TIAM2: variants seen among roughly 807,000 people sequenced by gnomAD.
TIAM2 encodes the protein rho guanine nucleotide exchange factor TIAM2.
TIAM2 carries 80 observed loss-of-function variants against 152.9 expected under a neutral mutation model. That is an observed-to-expected ratio of 0.52 (90% CI 0.44 to 0.63). The LOEUF (loss-of-function observed/expected upper bound fraction) is 0.63, where lower values mean the gene tolerates loss of function less well. Ranked by LOEUF, TIAM2 falls within the 30% of genes least tolerant of loss-of-function variation. The pLI, the probability that TIAM2 is intolerant of heterozygous loss-of-function variation, is 0.00. For synonymous variants in TIAM2, 804 were observed against 838.0 expected (o/e 0.96, Z 0.70); for missense variants, 1,965 against 2,120.1 (o/e 0.93, Z 1.44).
intron 1 of TIAM2, among the ~76,000 whole-genome samples, chr6:155,031,032 T>C (rs1163717126): frequency 6.6e-6 from 1 of 152,234 alleles, no homozygotes; most frequent in African/African-American, 2.4e-5. Context: ...ACTGCTGTTC[T>C]CTTTGTTGTG....
At chr6:155,166,041 T>G (rs1254007746) in intron 9 of TIAM2, among the ~76,000 whole-genome samples, 1 of 152,208 alleles carries the variant, frequency 6.6e-6, no homozygotes, top group East Asian at 1.9e-4. Flanking sequence ...AAATTAATAA[T>G]CAGAGGAGTG....
chr6:155,243,644 C>T (rs931442871), intron 16 of TIAM2, among the ~76,000 whole-genome samples: 4 of 151,836 alleles, frequency 2.6e-5, no homozygotes. Flanking sequence ...GTCAGGAGTT[C>T]GAGACCAGCC....
intron 1 of TIAM2, among the ~76,000 whole-genome samples, chr6:155,033,084 T>G (rs191757363): frequency 4.0e-4 from 61 of 152,316 alleles, no homozygotes; most frequent in African/African-American, 1.4e-3. Context: ...GTCTAGATTT[T>G]CCTTGTTCCC....
chr6:155,133,800 T>C (rs1218339734), intron 4 of TIAM2, among the ~76,000 whole-genome samples: 1 of 151,970 alleles, frequency 6.6e-6, no homozygotes, highest in East Asian at 1.9e-4. Context: ...AGTGGCGCCA[T>C]GTCGGCTCAC....
rs897051301 is a variant in TIAM2, at chr6:155,106,918, A to G, written c.-118+16539A>G. Among the ~76,000 whole-genome samples, 7 of 152,354 alleles carry G rather than the reference A, an allele frequency of 4.6e-5. No homozygotes were observed. The East Asian group carries it at 1.2e-3, about 25-fold the overall frequency. On this transcript the variant is annotated intron_variant, in intron 2 of 26. Transcript: ENST00000682666. ...AAGTCTGCATCATACTGTTCCACCA[A>G]TGGAAAAAATTGAACATGATGAGGG...
chr6:155,223,426 G>A (rs1332915201), intron 15 of TIAM2, among the ~76,000 whole-genome samples: 7 of 151,248 alleles, frequency 4.6e-5, no homozygotes. Context: ...GTTGAGGAAC[G>A]TTAAATAAAT....
chr6:155,125,297 C>T (rs747333832), intron 2 of TIAM2, among the ~76,000 whole-genome samples: 9 of 151,758 alleles, frequency 5.9e-5, no homozygotes, highest in Non-Finnish European at 1.2e-4. Context: ...GCCATTGAAC[C>T]CTCCTAAGAA....
At chr6:155,216,163 T>C (rs1482509206) in intron 15 of TIAM2, among the ~76,000 whole-genome samples, 1 of 152,160 alleles carries the variant, frequency 6.6e-6, no homozygotes, top group Non-Finnish European at 1.5e-5. Context: ...GCCTAGTGTG[T>C]GCTGGGAGTG....
At chr6:155,178,595 T>A (rs910585676) in intron 10 of TIAM2, among the ~76,000 whole-genome samples, 1 of 152,088 alleles carries the variant, frequency 6.6e-6, no homozygotes, top group South Asian at 2.1e-4. Flanking sequence ...TTTATTTGAG[T>A]TGGAGTCTTG....
chr6:155,099,000 C>CT lies in TIAM2; in HGVS notation c.-118+8621_-118+8622insT, dbSNP rs1330359721. Among the ~76,000 whole-genome samples the CT allele has an allele frequency of 1.4e-4, 22 of 152,218 alleles. No individual in the cohort carries two copies. The East Asian group carries it at 4.2e-3, about 29-fold the overall frequency. On this transcript the variant is annotated intron_variant, in intron 2 of 26. Transcript: ENST00000682666. ...GTCAGGAGTTTGAGACCAGCCTGAC[C>CT]AACACGGAGAAACTCCATCTTTACT...
At chr6:155,089,918 TCATCCATC>T (rs1182674817) in intron 1 of TIAM2, among the ~76,000 whole-genome samples, 1 of 152,046 alleles carries the variant, frequency 6.6e-6, no homozygotes, top group Admixed American at 6.6e-5. Flanking sequence ...TGTCTGTCAA[TCATCCATC>T]CATCCATCTG....
chr6:155,138,758 C>A, intron 5 of TIAM2, among the ~76,000 whole-genome samples: 1 of 152,110 alleles, frequency 6.6e-6, no homozygotes, highest in Non-Finnish European at 1.5e-5. Context: ...CTGCAAAGGA[C>A]AGGAACTCAT....
intron 2 of TIAM2, among the ~76,000 whole-genome samples, chr6:155,099,257 TGTGTAATAA>T (rs1198078023): frequency 3.7e-4 from 50 of 136,866 alleles, no homozygotes; most frequent in African/African-American, 1.3e-3. Context: ...TGTGTGTGTG[TGTGTAATAA>T]AATATCTCAT....
chr6:155,082,080 A>T (rs1311387599), intron 1 of TIAM2, among the ~76,000 whole-genome samples: 1 of 152,186 alleles, frequency 6.6e-6, no homozygotes, highest in Non-Finnish European at 1.5e-5. Context: ...GCAGTCGCTT[A>T]CACCTGTAAT....
chr6:155,118,937 A>G (rs1223542300), intron 2 of TIAM2, among the ~76,000 whole-genome samples: 1 of 151,166 alleles, frequency 6.6e-6, no homozygotes, highest in Non-Finnish European at 1.5e-5. Flanking sequence ...TTGCACATTA[A>G]TGATGGGCCA....
intron 1 of TIAM2, among the ~76,000 whole-genome samples, chr6:155,000,398 G>T (rs1239387099): frequency 6.6e-6 from 1 of 152,030 alleles, no homozygotes; most frequent in East Asian, 1.9e-4. Context: ...GGGCGTGGTG[G>T]CACATGCCTG....
At position 155,139,925 on chromosome 6, in the gene TIAM2, T is replaced by G. The variant is rs1267442604; in HGVS notation, c.1630+2313T>G. Among the ~76,000 whole-genome samples, 6 of 151,806 alleles carry G rather than the reference T, an allele frequency of 4.0e-5. No individual in the cohort carries two copies. In the East Asian group the frequency reaches 7.7e-4, roughly 20 times the overall value. On this transcript the variant is annotated intron_variant, in intron 5 of 26. Transcript: ENST00000682666. ...ACTGCACTCCAGCCTGGGCGATGAG[T>G]GAAACTCCATCTCAAAAACAAACAA...
intron 15 of TIAM2, 38 bp from the exon 16 acceptor site, chr6:155,240,492 G>C: frequency 1.3e-6 from 2 of 1,571,660 alleles, no homozygotes; most frequent in Non-Finnish European, 1.7e-6. Context: ...ATCAGGGAGA[G>C]GCCCGTGCAT....
At chr6:155,246,222 C>G (rs1301193661) in intron 19 of TIAM2, among the ~76,000 whole-genome samples, 2 of 152,170 alleles carry the variant, frequency 1.3e-5, no homozygotes, top group Non-Finnish European at 2.9e-5. Flanking sequence ...CGGTGTTTCT[C>G]TCTGCGTGGG....
Sources: allele counts gnomAD v4.1 joint callset (sites outside exome capture counted in the v4.1 genomes callset), GRCh38; gene constraint gnomAD v4.1.1; transcripts MANE v1.5; gene names NCBI Gene and HGNC (gene_info 2026-07-23, HGNC 2026-07-21).